Variants in STIM2 observed in about 807,000 individuals in gnomAD.
STIM2 encodes stromal interaction molecule 2.
In STIM2, 31 loss-of-function variants were observed where a neutral mutation model predicts 85.8. The observed-to-expected ratio is 0.36, with a 90% confidence interval of 0.27 to 0.49. STIM2 has a LOEUF of 0.49. Ranked by LOEUF, STIM2 falls within the 20% of genes least tolerant of loss-of-function variation. The pLI is 0.98. For synonymous variants in STIM2, 356 were observed against 331.1 expected, an observed-to-expected ratio of 1.08 and a Z score of -0.82; for missense variants, 841 against 927.6, an observed-to-expected ratio of 0.91 and a Z score of 1.21.
intron 2 of STIM2, among the ~76,000 whole-genome samples, chr4:26,921,598 C>T (rs1724799564): frequency 6.6e-6 from 1 of 152,214 alleles, no homozygotes; most frequent in South Asian, 2.1e-4. Context: ...CTGTAGTTTG[C>T]CAACCCCTGC....
Position 26,877,800 on chromosome 4 carries a change from G to T in STIM2, c.151+16431G>T, listed in dbSNP as rs536819023. On this transcript the variant is annotated intron_variant, in intron 1 of 11. Transcript: ENST00000467087. ...AAAATTTGTCCTCTCCAAAACTCCT[G>T]TTGAAATTTAATTGCCTTTGTGAGA... 1.3e-4 allele frequency among the ~76,000 whole-genome samples: 20 copies of T among 152,278 alleles called. No homozygotes were observed. In the East Asian group the frequency reaches 1.4e-3, roughly 10 times the overall value.
At chr4:26,904,506 G>A (rs1176976747) in intron 1 of STIM2, among the ~76,000 whole-genome samples, 1 of 152,096 alleles carries the variant, frequency 6.6e-6, no homozygotes, top group Non-Finnish European at 1.5e-5. Flanking sequence ...ATCAGCTGTG[G>A]CAAATGCTTA....
At chr4:26,999,192 A>AATATAT (rs547125145) in intron 4 of STIM2, 40 bp from the exon 5 acceptor site, 1 of 834,562 alleles carries the variant, frequency 1.2e-6, no homozygotes, top group Non-Finnish European at 1.7e-6. Flanking sequence ...ATTTTCATTT[A>AATATAT]ATATATATAT....
intron 1 of STIM2, among the ~76,000 whole-genome samples, chr4:26,912,002 A>C (rs1011114382): frequency 6.6e-6 from 1 of 152,138 alleles, no homozygotes; most frequent in African/African-American, 2.4e-5. Flanking sequence ...TTTCCTTTTG[A>C]GTTTGAATCA....
intron 1 of STIM2, among the ~76,000 whole-genome samples, chr4:26,867,033 G>A: frequency 6.6e-6 from 1 of 152,284 alleles, no homozygotes; most frequent in African/African-American, 2.4e-5. Context: ...GGATGGCAAT[G>A]AGGAGATAAC....
rs1396343361 is a variant in STIM2, at chr4:26,885,859, A to ATGTATATATATATATATATG, written c.151+24491_151+24492insGTATATATATATATATATGT. 1.7e-4 allele frequency among the ~76,000 whole-genome samples: 15 copies of ATGTATATATATATATATATG among 89,430 alleles called. 2 individuals carry two copies. Among genetic ancestry groups the ATGTATATATATATATATATG allele is most frequent in the South Asian group, 3.9e-4 (1 of 2,546 alleles). The allele number at this position is 89,430 out of a possible 152,430, so 58.7% of individuals were successfully genotyped here. ...TATATATATATATATATATATATATATATATATATATATATGTATATGTCT... is the reference window on the plus strand; with the variant it reads ...TATATATATATATATATATATATATATGTATATATATATATATATGTATATATATATATATGTATATGTCT... On this transcript the variant is annotated intron_variant, in intron 1 of 11. Coordinates refer to ENST00000467087, the MANE Select transcript of STIM2 (RefSeq NM_020860.4).
chr4:27,020,781 G>T (rs184919498), intron 11 of STIM2, among the ~76,000 whole-genome samples: 1 of 152,236 alleles, frequency 6.6e-6, no homozygotes, highest in Non-Finnish European at 1.5e-5. Context: ...TATGAATTTA[G>T]TCCTTGCTAT....
intron 3 of STIM2, among the ~76,000 whole-genome samples, chr4:26,976,295 T>C (rs866335515): frequency 2.6e-5 from 4 of 151,830 alleles, no homozygotes; most frequent in South Asian, 2.1e-4. Flanking sequence ...CAGGTACCTA[T>C]TGGAAATGCA....
rs187233083 is a variant in STIM2 at position 26,963,707 on chromosome 4, T to A, written c.397+5981T>A. On this transcript the variant is annotated intron_variant, in intron 3 of 11. Transcript: ENST00000467087. Reference sequence around the variant, plus strand: ...GAATCTAAGAGAATGGACAGATTTATTACAGGGAAGTCTTCATTAGGGAGA... The same window carrying A: ...GAATCTAAGAGAATGGACAGATTTAATACAGGGAAGTCTTCATTAGGGAGA... Among the ~76,000 whole-genome samples the A allele has an allele frequency of 2.8e-4, 42 of 152,296 alleles. No homozygotes were observed. The East Asian group carries it at 7.3e-3, about 27-fold the overall frequency.
At position 27,007,601 on chromosome 4, in the gene STIM2, A is replaced by C. The variant is rs377651817; in HGVS notation, c.1050A>C (p.Ala350=). The change falls in exon 8 of 12, where the codon GCA becomes GCC. Residue 350 remains alanine (A), a synonymous_variant. Coordinates refer to ENST00000467087, the MANE Select transcript of STIM2 (RefSeq NM_020860.4). ...GAAGCAGTTGGTCTGTTCCAGATGC[A>C]CTTCAGAAATGGCTTCAGTTAACAC... The C allele has an allele frequency of 3.1e-6, 5 of 1,608,126 alleles. No individual in the cohort carries two copies.
At chr4:26,885,849 A>ATGTATG in intron 1 of STIM2, among the ~76,000 whole-genome samples, 1 of 43,888 alleles carries the variant, frequency 2.3e-5, no homozygotes, top group Admixed American at 2.5e-4. Flanking sequence ...ATATATATAT[A>ATGTATG]TATATATATA....
chr4:26,957,527 C>A, intron 2 of STIM2, 85 bp from the exon 3 acceptor site: 2 of 768,824 alleles, frequency 2.6e-6, no homozygotes, highest in Non-Finnish European at 4.0e-6. Context: ...TAGTCACCCA[C>A]TGGATATCAG....
intron 1 of STIM2, among the ~76,000 whole-genome samples, chr4:26,878,240 C>T (rs747268122): frequency 2.0e-5 from 3 of 152,126 alleles, no homozygotes; most frequent in Non-Finnish European, 2.9e-5. Flanking sequence ...TTAGGTAGGG[C>T]TCGTAAGCCT....
intron 1 of STIM2, among the ~76,000 whole-genome samples, chr4:26,877,337 C>G (rs574137087): frequency 2.6e-5 from 4 of 152,138 alleles, no homozygotes; most frequent in Non-Finnish European, 4.4e-5. Flanking sequence ...GTTTTCGTAT[C>G]CCTGCTAAAA....
chr4:26,943,239 T>G (rs1473006742), intron 2 of STIM2, among the ~76,000 whole-genome samples: 6 of 152,176 alleles, frequency 3.9e-5, no homozygotes, highest in Non-Finnish European at 8.8e-5. Flanking sequence ...CATCAATTAT[T>G]TGGTTTCCTG....
At chr4:27,016,688 C>G (rs1428231567) in intron 10 of STIM2, among the ~76,000 whole-genome samples, 3 of 152,154 alleles carry the variant, frequency 2.0e-5, no homozygotes, top group Non-Finnish European at 4.4e-5. Context: ...AGGAATGTAG[C>G]CCTTCTAGGT....
chr4:27,021,499 CAAGG>C (rs1207785737), intron 11 of STIM2: 2 of 456,546 alleles, frequency 4.4e-6, no homozygotes, highest in Non-Finnish European at 8.8e-6. Flanking sequence ...TACAGGAACA[CAAGG>C]GAGTGTGCAG....
At position 27,022,896 on chromosome 4, in the gene STIM2, T is replaced by C. The variant is rs1467191514; in HGVS notation, c.2141T>C (p.Val714Ala). The C allele has an allele frequency of 6.2e-7, 1 of 1,614,208 alleles. No homozygotes were observed. The highest frequency in any genetic ancestry group is 1.1e-5 in the South Asian group (1 of 91,090). Residue 714 changes from valine to alanine, a missense_variant, in exon 12 of 12, where the codon GTT becomes GCT. Val to Ala is a moderately conservative substitution (Grantham distance 64). Coordinates refer to ENST00000467087, the MANE Select transcript of STIM2 (RefSeq NM_020860.4). ...AAACCAGTTCAGGAAGCCCCAAGTG[T>C]TGCCAGAATAAGCAGCATCCCACAT... is the stretch of plus-strand genomic sequence containing the variant.
intron 1 of STIM2, among the ~76,000 whole-genome samples, chr4:26,912,445 G>A (rs1724380717): frequency 1.3e-5 from 2 of 152,112 alleles, no homozygotes; most frequent in African/African-American, 4.8e-5. Flanking sequence ...AATTTCATAA[G>A]TTTCTGAACT....
Sources: gnomAD v4.1 joint callset for allele counts (sites outside exome capture counted in the v4.1 genomes callset) on GRCh38, gnomAD v4.1.1 for gene constraint, MANE v1.5 for transcripts, NCBI Gene and HGNC (gene_info 2026-07-23, HGNC 2026-07-21) for gene names.